DLC1: variants seen among roughly 807,000 people sequenced by gnomAD.
The protein encoded by DLC1 is DLC1 Rho GTPase activating protein.
A neutral mutation model predicts 140.3 loss-of-function variants in DLC1; 54 were observed. That is an observed-to-expected ratio of 0.38 (90% CI 0.31 to 0.48). The LOEUF (loss-of-function observed/expected upper bound fraction) is 0.48. Among genes scored for constraint, DLC1 ranks in the 20% least tolerant of loss-of-function variants. The pLI is 0.96. For synonymous variants in DLC1, 986 were observed against 728.1 expected, an observed-to-expected ratio of 1.35 and a Z score of -5.70; for missense variants, 2,536 against 1,907.0, an observed-to-expected ratio of 1.33 and a Z score of -6.14.
At chr8:13,358,812 A>T (rs1387708886) in intron 4 of DLC1, among the ~76,000 whole-genome samples, 1 of 152,194 alleles carries the variant, frequency 6.6e-6, no homozygotes, top group Non-Finnish European at 1.5e-5. Context: ...CTTTAGGTAT[A>T]TACTCAGTGA....
At chr8:13,418,414 G>C (rs1563330615) in intron 2 of DLC1, among the ~76,000 whole-genome samples, 1 of 152,136 alleles carries the variant, frequency 6.6e-6, no homozygotes. Flanking sequence ...AAGGGATCCA[G>C]TTTCAGCTTT....
intron 2 of DLC1, among the ~76,000 whole-genome samples, chr8:13,456,122 A>T (rs1309398563): frequency 3.3e-5 from 5 of 152,176 alleles, no homozygotes; most frequent in Non-Finnish European, 5.9e-5. Context: ...GTAACAGCAA[A>T]ATCTTAGATT....
At chr8:13,178,495 C>G (rs1240076178) in intron 5 of DLC1, among the ~76,000 whole-genome samples, 1 of 151,312 alleles carries the variant, frequency 6.6e-6, no homozygotes, top group Non-Finnish European at 1.5e-5. Context: ...TGGCGTGAAC[C>G]CGGGAGGCAG....
At chr8:13,517,608 C>G (rs763434809), upstream of DLC1, among the ~76,000 whole-genome samples, 1 of 152,130 alleles carries the variant, frequency 6.6e-6, no homozygotes. Flanking sequence ...AGTATTGTGT[C>G]AGGAACACTG....
At chr8:13,405,128 A>G (rs928588379) in intron 2 of DLC1, among the ~76,000 whole-genome samples, 1 of 151,596 alleles carries the variant, frequency 6.6e-6, no homozygotes, top group African/African-American at 2.4e-5. Context: ...TTTAAAATTT[A>G]TTATAATTAA....
intron 5 of DLC1, among the ~76,000 whole-genome samples, chr8:13,229,449 G>A (rs1828945483): frequency 6.6e-6 from 1 of 152,046 alleles, no homozygotes; most frequent in Non-Finnish European, 1.5e-5. Flanking sequence ...TAGTTTTGGG[G>A]AAAATGGAAA....
chr8:13,529,929 G>C (rs1216605301), intron 1 of DLC1, among the ~76,000 whole-genome samples: 1 of 152,148 alleles, frequency 6.6e-6, no homozygotes, highest in African/African-American at 2.4e-5. Context: ...GGGACGAAAG[G>C]CTACTAGGAA....
intron 4 of DLC1, among the ~76,000 whole-genome samples, chr8:13,343,375 G>C (rs1226600713): frequency 6.6e-6 from 1 of 152,172 alleles, no homozygotes; most frequent in African/African-American, 2.4e-5. Flanking sequence ...AGATTGTGCA[G>C]TGTGGTGTCC....
At chr8:13,377,298 T>C (rs1362942043) in intron 4 of DLC1, among the ~76,000 whole-genome samples, 3 of 152,176 alleles carry the variant, frequency 2.0e-5, no homozygotes, top group East Asian at 1.9e-4. Context: ...GAAGTAATCA[T>C]GCATATGTAT....
At chr8:13,491,994 A>G (rs1171616000) in intron 2 of DLC1, among the ~76,000 whole-genome samples, 3 of 152,220 alleles carry the variant, frequency 2.0e-5, no homozygotes, top group African/African-American at 7.2e-5. Context: ...TGGTGGAATC[A>G]ATTGGATTCC....
intron 1 of DLC1, among the ~76,000 whole-genome samples, chr8:13,544,538 C>T (rs890827629): frequency 5.3e-5 from 8 of 152,024 alleles, no homozygotes; most frequent in Middle Eastern, 3.2e-3. Flanking sequence ...GGAGAGATTA[C>T]AAAGAACAGA....
chr8:13,495,912 G>T (rs1429066435), intron 2 of DLC1, among the ~76,000 whole-genome samples: 1 of 151,992 alleles, frequency 6.6e-6, no homozygotes, highest in African/African-American at 2.4e-5. Flanking sequence ...CTTGACAAAA[G>T]AAATCAATGT....
intron 5 of DLC1, among the ~76,000 whole-genome samples, chr8:13,231,053 A>T (rs1585965032): frequency 6.6e-6 from 1 of 152,070 alleles, no homozygotes. Context: ...GGAAGAGAGG[A>T]AAGGGATCTT....
intron 1 of DLC1, among the ~76,000 whole-genome samples, chr8:13,523,540 T>C (rs1190189668): frequency 6.6e-6 from 1 of 152,178 alleles, no homozygotes; most frequent in South Asian, 2.1e-4. Flanking sequence ...CAAATACATT[T>C]GGGAATCTCA....
At chr8:13,137,845 G>A (rs745345023) in intron 5 of DLC1, among the ~76,000 whole-genome samples, 10 of 151,930 alleles carry the variant, frequency 6.6e-5, no homozygotes, top group African/African-American at 1.7e-4. Flanking sequence ...TGATCTGCCC[G>A]CCTCAGCCTC....
chr8:13,538,273 C>A (rs2410081), intron 1 of DLC1, among the ~76,000 whole-genome samples: 15,349 of 151,760 alleles, frequency 0.1, 1,825 homozygotes, highest in African/African-American at 0.28. Context: ...GTGGCTCAAG[C>A]ACTTGGAGAA....
At chr8:13,305,040 AC>A (rs1357102210) in intron 5 of DLC1, 1 of 1,158,650 alleles carries the variant, frequency 8.6e-7, no homozygotes, top group East Asian at 4.2e-5. Flanking sequence ...TACAAGGAAG[AC>A]CCCAAGAAAC....
chr8:13,399,072 A>G (rs1445639870), intron 3 of DLC1, among the ~76,000 whole-genome samples: 2 of 152,204 alleles, frequency 1.3e-5, no homozygotes, highest in African/African-American at 2.4e-5. Context: ...CAAAGGTGGT[A>G]CAGTGGTTCT....
At chr8:13,578,324 G>GA (rs1338721305) in intron 1 of DLC1, among the ~76,000 whole-genome samples, 4 of 152,024 alleles carry the variant, frequency 2.6e-5, no homozygotes, top group Non-Finnish European at 4.4e-5. Flanking sequence ...AATTCTGAAG[G>GA]AAAAAACAAA....
Sources: gnomAD v4.1 joint callset for allele counts (sites outside exome capture counted in the v4.1 genomes callset) on GRCh38, gnomAD v4.1.1 for gene constraint, MANE v1.5 for transcripts, NCBI Gene and HGNC (gene_info 2026-07-23, HGNC 2026-07-21) for gene names.